Variants in ATRNL1 observed in about 807,000 individuals in gnomAD.
ATRNL1 encodes attractin-like protein 1.
Under a neutral mutation model 182.7 loss-of-function variants are expected in ATRNL1, and 95 were observed. The ratio of observed to expected loss-of-function variants is 0.52; its 90% CI spans 0.44 to 0.62. The LOEUF is 0.62. ATRNL1 is among the 20% of genes least tolerant of loss of function. ATRNL1 has a pLI of 0.00. For synonymous variants in ATRNL1, 576 were observed against 568.3 expected, an observed-to-expected ratio of 1.01 and a Z score of -0.19; for missense variants, 1,471 against 1,679.5, an observed-to-expected ratio of 0.88 and a Z score of 2.17.
At chr10:115,758,874 G>A (rs1342646424) in intron 27 of ATRNL1, among the ~76,000 whole-genome samples, 2 of 152,126 alleles carry the variant, frequency 1.3e-5, no homozygotes, top group Non-Finnish European at 2.9e-5. Context: ...AATTCTTATG[G>A]GTGTACATAA....
chr10:115,613,444 T>C (rs986818582), intron 26 of ATRNL1, among the ~76,000 whole-genome samples: 2 of 152,174 alleles, frequency 1.3e-5, no homozygotes, highest in African/African-American at 4.8e-5. Flanking sequence ...TTTCTGTTGA[T>C]TTTTGCATCT....
chr10:115,475,794 T>C (rs976777820), intron 24 of ATRNL1, among the ~76,000 whole-genome samples: 1 of 151,336 alleles, frequency 6.6e-6, no homozygotes, highest in South Asian at 2.1e-4. Flanking sequence ...TTAAGAGAGC[T>C]TTTTAATCTT....
At chr10:115,577,961 G>A (rs564397084) in intron 26 of ATRNL1, among the ~76,000 whole-genome samples, 100 of 151,510 alleles carry the variant, frequency 6.6e-4, no homozygotes, top group Non-Finnish European at 8.4e-4. Context: ...AAAAAATCAT[G>A]AACAGATACT....
intron 24 of ATRNL1, among the ~76,000 whole-genome samples, chr10:115,516,712 ATCTTATGACTTT>A (rs6144099): frequency 0.44 from 66,260 of 151,504 alleles, 15,063 homozygotes; most frequent in Middle Eastern, 0.53. Context: ...AATACTCCAG[ATCTTATGACTTT>A]TCATAAACAT....
intron 27 of ATRNL1, among the ~76,000 whole-genome samples, chr10:115,794,532 C>T (rs1382763802): frequency 6.6e-6 from 1 of 152,120 alleles, no homozygotes; most frequent in Non-Finnish European, 1.5e-5. Flanking sequence ...CCTTGACTTT[C>T]ATGGGCTTGA....
intron 19 of ATRNL1, among the ~76,000 whole-genome samples, chr10:115,369,199 A>G (rs1392069186): frequency 5.4e-5 from 8 of 147,436 alleles, no homozygotes; most frequent in South Asian, 2.2e-4. Context: ...TATAAATACT[A>G]TGTATATAAT....
intron 28 of ATRNL1, among the ~76,000 whole-genome samples, chr10:115,904,960 A>G (rs1555114232): frequency 6.6e-6 from 1 of 152,178 alleles, no homozygotes; most frequent in Non-Finnish European, 1.5e-5. Context: ...GATTGCTTGA[A>G]CAGCTTCAGC....
intron 5 of ATRNL1, among the ~76,000 whole-genome samples, chr10:115,138,943 C>T (rs1845639758): frequency 6.6e-6 from 1 of 152,204 alleles, no homozygotes; most frequent in Non-Finnish European, 1.5e-5. Flanking sequence ...CAAGTCATAT[C>T]TTGAATGCTT....
intron 7 of ATRNL1, among the ~76,000 whole-genome samples, chr10:115,170,161 A>C (rs192726649): frequency 6.6e-6 from 1 of 152,282 alleles, no homozygotes; most frequent in African/African-American, 2.4e-5. Flanking sequence ...ATCCACTACA[A>C]TGTTGAATAT....
intron 10 of ATRNL1, among the ~76,000 whole-genome samples, chr10:115,243,101 A>T (rs1034478773): frequency 1.6e-4 from 25 of 152,030 alleles, no homozygotes; most frequent in Non-Finnish European, 2.9e-4. Flanking sequence ...AAAAAATCCC[A>T]CAAAAAGTAT....
chr10:115,208,284 C>T (rs1012932113), intron 8 of ATRNL1, among the ~76,000 whole-genome samples: 2 of 151,744 alleles, frequency 1.3e-5, no homozygotes, highest in Non-Finnish European at 2.9e-5. Context: ...TCTGTTCTAC[C>T]ACTTCTATCT....
At chr10:115,459,586 G>C (rs761688909) in intron 21 of ATRNL1, among the ~76,000 whole-genome samples, 3 of 152,098 alleles carry the variant, frequency 2.0e-5, no homozygotes, top group Non-Finnish European at 4.4e-5. Context: ...ATCTCACCCT[G>C]TCTCCTGATA....
At chr10:115,208,651 C>G (rs1408091867) in intron 8 of ATRNL1, among the ~76,000 whole-genome samples, 1 of 152,020 alleles carries the variant, frequency 6.6e-6, no homozygotes, top group African/African-American at 2.4e-5. Context: ...TTGCTTGGAG[C>G]ACAAACTGTT....
At chr10:115,142,269 G>C (rs2143824517) in intron 5 of ATRNL1, among the ~76,000 whole-genome samples, 1 of 152,314 alleles carries the variant, frequency 6.6e-6, no homozygotes, top group South Asian at 2.1e-4. Context: ...AAGCAAGCAA[G>C]AGAGTTCAAC....
At chr10:115,382,456 ATTT>A (rs1218768196) in intron 19 of ATRNL1, among the ~76,000 whole-genome samples, 11 of 151,884 alleles carry the variant, frequency 7.2e-5, no homozygotes, top group Admixed American at 7.2e-4. Flanking sequence ...ATATGAAATT[ATTT>A]TTTTAATTTC....
chr10:115,576,794 A>C (rs1333611151), intron 26 of ATRNL1, among the ~76,000 whole-genome samples: 1 of 151,988 alleles, frequency 6.6e-6, no homozygotes, highest in East Asian at 1.9e-4. Context: ...TGTGATACCC[A>C]AAAAAATTAT....
At chr10:115,477,149 C>T (rs1447890023) in intron 24 of ATRNL1, among the ~76,000 whole-genome samples, 4 of 151,564 alleles carry the variant, frequency 2.6e-5, no homozygotes, top group African/African-American at 7.3e-5. Flanking sequence ...ACAAAAATCA[C>T]ATGGGTTTCT....
chr10:115,564,211 T>C (rs1178349103), intron 26 of ATRNL1, among the ~76,000 whole-genome samples: 1 of 152,036 alleles, frequency 6.6e-6, no homozygotes, highest in Non-Finnish European at 1.5e-5. Context: ...TGAATGAACA[T>C]GGTATTAGAT....
intron 24 of ATRNL1, among the ~76,000 whole-genome samples, chr10:115,479,633 C>T (rs1848675780): frequency 6.6e-6 from 1 of 151,130 alleles, no homozygotes; most frequent in Non-Finnish European, 1.5e-5. Context: ...ATAAATATTC[C>T]AATAATATAG....
Sources: gnomAD v4.1 joint callset for allele counts (sites outside exome capture counted in the v4.1 genomes callset) on GRCh38, gnomAD v4.1.1 for gene constraint, MANE v1.5 for transcripts, NCBI Gene and HGNC (gene_info 2026-07-23, HGNC 2026-07-21) for gene names.